Variants in RTL4 observed in about 807,000 individuals in gnomAD.
The protein encoded by RTL4 is retrotransposon Gag-like protein 4.
RTL4 carries 4 observed loss-of-function variants against 5.3 expected under a neutral mutation model. The ratio of observed to expected loss-of-function variants is 0.75; its 90% confidence interval spans 0.37 to 1.72. The LOEUF is 1.72. Ranked by LOEUF, RTL4 falls within the 40% of genes most tolerant of loss-of-function variation. RTL4 has a pLI of 0.04. For missense variants in RTL4, 260 were observed against 227.1 expected (o/e 1.14, Z -0.93); for synonymous variants, 98 against 87.3 (o/e 1.12, Z -0.68).
At chrX:112,270,921 C>T in the RTL4 span, among the ~76,000 whole-genome samples, 1 of 109,866 alleles carries the variant, frequency 9.1e-6, no homozygotes, top group Non-Finnish European at 1.9e-5. Flanking sequence ...ACAGAGGTAA[C>T]TGATGCCTAG....
At chrX:112,116,075 G>A in the RTL4 span, among the ~76,000 whole-genome samples, 9 of 112,143 alleles carry the variant, frequency 8.0e-5, no homozygotes, top group Non-Finnish European at 1.5e-4. Context: ...AGAGTCAGGG[G>A]TTGTTAGAGA....
chrX:112,401,682 T>C, the RTL4 span, among the ~76,000 whole-genome samples: 1 of 111,750 alleles, frequency 8.9e-6, no homozygotes, highest in Non-Finnish European at 1.9e-5. Flanking sequence ...AAATTTTCAT[T>C]ACCTTACCCA....
chrX:112,129,139 A>G, the RTL4 span, among the ~76,000 whole-genome samples: 1 of 112,165 alleles, frequency 8.9e-6, no homozygotes, highest in Non-Finnish European at 1.9e-5. Context: ...ACAATGAGAT[A>G]CCACTTTACA....
At chrX:112,328,808 C>G in the RTL4 span, among the ~76,000 whole-genome samples, 1 of 112,106 alleles carries the variant, frequency 8.9e-6, no homozygotes, top group Non-Finnish European at 1.9e-5. Context: ...AACAAACTAT[C>G]TCTCAGACCA....
chrX:112,229,803 C>G, the RTL4 span, among the ~76,000 whole-genome samples: 1 of 112,166 alleles, frequency 8.9e-6, no homozygotes, highest in Non-Finnish European at 1.9e-5. Flanking sequence ...ACTCCAGACC[C>G]TGTTTGCCTG....
the RTL4 span, among the ~76,000 whole-genome samples, chrX:112,173,339 T>C: frequency 9.0e-6 from 1 of 111,497 alleles, no homozygotes; most frequent in African/African-American, 3.3e-5. Flanking sequence ...ATGGAGGATC[T>C]GCAAGACTCT....
chrX:112,213,947 C>A, the RTL4 span, among the ~76,000 whole-genome samples: 15 of 109,919 alleles, frequency 1.4e-4, no homozygotes, highest in East Asian at 4.0e-3. Flanking sequence ...ACGTGTGAAA[C>A]CATCACTACA....
At chrX:112,291,742 GC>G in the RTL4 span, among the ~76,000 whole-genome samples, 1 of 110,344 alleles carries the variant, frequency 9.1e-6, no homozygotes, top group Non-Finnish European at 1.9e-5. Flanking sequence ...GACTATAGGC[GC>G]CCGCCACCAG....
At chrX:112,274,178 C>T in the RTL4 span, among the ~76,000 whole-genome samples, 1 of 111,613 alleles carries the variant, frequency 9.0e-6, no homozygotes, top group Non-Finnish European at 1.9e-5. Flanking sequence ...TATAGTAAGG[C>T]CTGTTTTTCA....
chrX:112,406,527 C>A, the RTL4 span, among the ~76,000 whole-genome samples: 23 of 111,204 alleles, frequency 2.1e-4, no homozygotes, highest in African/African-American at 7.5e-4. Context: ...TGAGAAACCA[C>A]CCCTATAATC....
At chrX:112,326,960 G>A in the RTL4 span, among the ~76,000 whole-genome samples, 1 of 111,679 alleles carries the variant, frequency 9.0e-6, no homozygotes, top group Admixed American at 9.5e-5. Context: ...CTGTTAGAAG[G>A]AAAACTGAAA....
the RTL4 span, among the ~76,000 whole-genome samples, chrX:112,350,151 T>C: frequency 4.5e-5 from 5 of 111,523 alleles, no homozygotes; most frequent in African/African-American, 6.5e-5. Context: ...GTTCTGTTTA[T>C]ATGCTGGATT....
chrX:112,225,333 T>A, the RTL4 span, among the ~76,000 whole-genome samples: 1 of 112,090 alleles, frequency 8.9e-6, no homozygotes, highest in Middle Eastern at 4.2e-3. Context: ...GGAGGATGGC[T>A]GGGTGAAATG....
the RTL4 span, among the ~76,000 whole-genome samples, chrX:112,177,158 G>A: frequency 9.0e-6 from 1 of 110,682 alleles, no homozygotes; most frequent in African/African-American, 3.3e-5. Flanking sequence ...TGGGAGTACA[G>A]ATATCTCTTT....
the RTL4 span, among the ~76,000 whole-genome samples, chrX:112,373,967 T>C: frequency 0.011 from 1,232 of 111,287 alleles, 21 homozygotes; most frequent in African/African-American, 0.038. Flanking sequence ...AGTTTGTTTC[T>C]TTTTATTGAT....
At chrX:112,436,101 C>A in the RTL4 span, among the ~76,000 whole-genome samples, 1 of 110,765 alleles carries the variant, frequency 9.0e-6, no homozygotes, top group Non-Finnish European at 1.9e-5. Flanking sequence ...CCTGTAATCC[C>A]AGCTACTCAG....
chrX:112,371,752 A>G, the RTL4 span, among the ~76,000 whole-genome samples: 1 of 111,742 alleles, frequency 8.9e-6, no homozygotes, highest in Non-Finnish European at 1.9e-5. Flanking sequence ...CTATTCATCC[A>G]TCACACCATT....
the RTL4 span, among the ~76,000 whole-genome samples, chrX:112,296,332 G>A: frequency 7.2e-5 from 8 of 111,561 alleles, no homozygotes; most frequent in Admixed American, 1.9e-4. Context: ...CAAAGACTTG[G>A]CTCTAACTGT....
chrX:112,342,720 A>G, the RTL4 span, among the ~76,000 whole-genome samples: 1 of 111,718 alleles, frequency 9.0e-6, no homozygotes, highest in South Asian at 3.8e-4. Context: ...AATTCAAAAC[A>G]AATCCCACAA....
Sources: allele counts gnomAD v4.1 joint callset (sites outside exome capture counted in the v4.1 genomes callset), GRCh38; gene constraint gnomAD v4.1.1; transcripts MANE v1.5; gene names NCBI Gene and HGNC (gene_info 2026-07-23, HGNC 2026-07-21).